TEC: variants seen among roughly 807,000 people sequenced by gnomAD.
TEC encodes the protein tyrosine-protein kinase Tec.
In TEC, 72 loss-of-function variants were observed where a neutral mutation model predicts 93.0. That is an observed-to-expected ratio of 0.77 (90% confidence interval 0.64 to 0.94). TEC has a LOEUF of 0.94. TEC is among the 40% of genes least tolerant of loss of function. The pLI, the probability that TEC is intolerant of heterozygous loss-of-function variation, is 0.00. For missense variants in TEC, 630 were observed against 757.9 expected (o/e 0.83, Z 1.98); for synonymous variants, 249 against 247.7 (o/e 1.01, Z -0.05).
intron 3 of TEC, among the ~76,000 whole-genome samples, chr4:48,172,420 A>C (rs887974754): frequency 1.3e-5 from 2 of 149,660 alleles, no homozygotes; most frequent in Non-Finnish European, 3.0e-5. Context: ...TATTCATTTA[A>C]ATCAAAGGAA....
chr4:48,174,715 A>C (rs1328638114), intron 3 of TEC, among the ~76,000 whole-genome samples: 2 of 152,108 alleles, frequency 1.3e-5, no homozygotes, highest in African/African-American at 4.8e-5. Context: ...AATTTCCATT[A>C]TATATGCATT....
intron 1 of TEC, among the ~76,000 whole-genome samples, chr4:48,261,210 C>T (rs1355739932): frequency 1.3e-5 from 2 of 152,122 alleles, no homozygotes; most frequent in African/African-American, 4.8e-5. Flanking sequence ...AAGACACTGA[C>T]AATCCTTAAA....
At chr4:48,236,797 C>A (rs902938794) in intron 1 of TEC, among the ~76,000 whole-genome samples, 6 of 152,226 alleles carry the variant, frequency 3.9e-5, no homozygotes, top group African/African-American at 1.4e-4. Context: ...CAAAGTTATA[C>A]TGTCTATCCA....
At chr4:48,256,265 A>G (rs550272049) in intron 1 of TEC, among the ~76,000 whole-genome samples, 1 of 152,068 alleles carries the variant, frequency 6.6e-6, no homozygotes, top group South Asian at 2.1e-4. Flanking sequence ...GAAGGGCTAC[A>G]ATCCACCGCC....
chr4:48,243,345 A>G (rs1285070146), intron 1 of TEC, among the ~76,000 whole-genome samples: 3 of 152,220 alleles, frequency 2.0e-5, no homozygotes, highest in Non-Finnish European at 4.4e-5. Context: ...GCATAACTTT[A>G]CACAAGTTAC....
intron 14 of TEC, among the ~76,000 whole-genome samples, chr4:48,142,101 AAC>A (rs1009340026): frequency 5.3e-5 from 8 of 152,224 alleles, no homozygotes; most frequent in Admixed American, 4.6e-4. Context: ...TGAGCTTAAT[AAC>A]ACACAACCAT....
chr4:48,164,014 T>G lies in TEC; in HGVS notation c.672-247A>C, dbSNP rs545868434. Among the ~76,000 whole-genome samples the G allele has an allele frequency of 2.0e-5, 3 of 152,326 alleles. No homozygotes were observed. In the East Asian group the frequency reaches 5.8e-4, roughly 29 times the overall value. ...TGTACCTATTTTCTGGTGGGGAAACTAAAGCTTAGAAAGGTTATAGGATTT... is the reference window on the plus strand; with the variant it reads ...TGTACCTATTTTCTGGTGGGGAAACGAAAGCTTAGAAAGGTTATAGGATTT... On this transcript the variant is annotated intron_variant, in intron 7 of 17. Coordinates refer to ENST00000381501, the MANE Select transcript of TEC (RefSeq NM_003215.3).
At chr4:48,182,124 G>C (rs780016385) in intron 2 of TEC, among the ~76,000 whole-genome samples, 4 of 151,926 alleles carry the variant, frequency 2.6e-5, no homozygotes, top group Admixed American at 6.6e-5. Context: ...CTCTACTAAA[G>C]ATACAAAAAA....
At chr4:48,212,478 G>A (rs977795461) in intron 2 of TEC, among the ~76,000 whole-genome samples, 5 of 152,204 alleles carry the variant, frequency 3.3e-5, no homozygotes, top group African/African-American at 1.2e-4. Flanking sequence ...TCACTTCAGA[G>A]AACACTGTCC....
intron 3 of TEC, among the ~76,000 whole-genome samples, chr4:48,174,103 T>C (rs1005830761): frequency 6.6e-6 from 1 of 152,236 alleles, no homozygotes. Context: ...TTAAATTGTA[T>C]AAAGCTCAAG....
At chr4:48,235,250 T>C (rs1169736053) in intron 1 of TEC, among the ~76,000 whole-genome samples, 2 of 152,198 alleles carry the variant, frequency 1.3e-5, no homozygotes, top group Admixed American at 6.5e-5. Context: ...TTCAGTTTGA[T>C]TATGCAGCAT....
At chr4:48,214,187 G>A (rs1722998312) in intron 2 of TEC, among the ~76,000 whole-genome samples, 1 of 152,068 alleles carries the variant, frequency 6.6e-6, no homozygotes, top group Non-Finnish European at 1.5e-5. Context: ...TTCCCTCAAG[G>A]AAATTATTAT....
chr4:48,216,447 T>C (rs904426567), intron 2 of TEC, among the ~76,000 whole-genome samples: 2 of 152,156 alleles, frequency 1.3e-5, no homozygotes, highest in African/African-American at 2.4e-5. Context: ...CAGTAGTTCA[T>C]AGCATAAAAG....
At chr4:48,146,614 T>G (rs796280023) in intron 11 of TEC, among the ~76,000 whole-genome samples, 1 of 152,222 alleles carries the variant, frequency 6.6e-6, no homozygotes, top group Non-Finnish European at 1.5e-5. Flanking sequence ...CAGCTTTCTC[T>G]TTTTTCAAAT....
intron 7 of TEC, among the ~76,000 whole-genome samples, chr4:48,164,538 G>C (rs1203916524): frequency 7.0e-6 from 1 of 142,972 alleles, no homozygotes; most frequent in Non-Finnish European, 1.5e-5. Context: ...TAAAGTATTA[G>C]TAAGAACTCA....
At chr4:48,212,113 ATATATAT>A (rs1722930205) in intron 2 of TEC, among the ~76,000 whole-genome samples, 3 of 81,494 alleles carry the variant, frequency 3.7e-5, no homozygotes, top group Non-Finnish European at 8.8e-5. Context: ...AAAAAAAAAT[ATATATAT>A]ATATATATAT....
At chr4:48,228,259 A>C (rs1227960718) in intron 2 of TEC, among the ~76,000 whole-genome samples, 1 of 152,202 alleles carries the variant, frequency 6.6e-6, no homozygotes, top group African/African-American at 2.4e-5. Context: ...AAGTAATGTA[A>C]TCTAATAGAT....
Position 48,145,597 on chromosome 4 carries a change from A to G in TEC, c.1082-18T>C, listed in dbSNP as rs1268797717. On this transcript the variant is annotated intron_variant, in intron 12 of 17. Transcript: ENST00000381501. ...CCATTTCTCTGCAGGACAGAAAGTG[A>G]AAGTGTTCATATTTAAAAAGGAAAA... The G allele has an allele frequency of 2.5e-6, 4 of 1,611,914 alleles. No individual in the cohort carries two copies. The South Asian group carries it at 4.4e-5, about 18-fold the overall frequency.
chr4:48,265,515 A>ATT (rs71189199), intron 1 of TEC, among the ~76,000 whole-genome samples: 99 of 129,170 alleles, frequency 7.7e-4, no homozygotes, highest in Admixed American at 1.7e-3. Flanking sequence ...ATATATATAT[A>ATT]TTTTTTTTTT....
Sources: gnomAD v4.1 joint callset for allele counts (sites outside exome capture counted in the v4.1 genomes callset) on GRCh38, gnomAD v4.1.1 for gene constraint, MANE v1.5 for transcripts, NCBI Gene and HGNC (gene_info 2026-07-23, HGNC 2026-07-21) for gene names.